Variants in PCID2 observed in about 807,000 individuals in gnomAD.
The protein encoded by PCID2 is PCI domain containing 2, also known as PCI domain-containing protein 2.
A neutral mutation model predicts 61.3 loss-of-function variants in PCID2; 41 were observed. The observed-to-expected ratio is 0.67, with a 90% CI of 0.52 to 0.87. The LOEUF (loss-of-function observed/expected upper bound fraction) is 0.87, where lower values mean the gene tolerates loss of function less well. Ranked by LOEUF, PCID2 falls within the 40% of genes least tolerant of loss-of-function variation. The pLI is 0.00. For missense variants in PCID2, 392 were observed against 493.4 expected, an observed-to-expected ratio of 0.79 and a Z score of 1.95; for synonymous variants, 187 against 177.8, an observed-to-expected ratio of 1.05 and a Z score of -0.41.
At chr13:113,184,704 G>A (rs1435076485) in intron 8 of PCID2, among the ~76,000 whole-genome samples, 1 of 152,292 alleles carries the variant, frequency 6.6e-6, no homozygotes, top group Non-Finnish European at 1.5e-5. Context: ...CCCTGCAGGA[G>A]CCCATGCTGG....
rs778164705 is a variant in PCID2, at chr13:113,179,406, T to C, written c.987-317A>G. 8.6e-5 allele frequency among the ~76,000 whole-genome samples: 13 copies of C among 151,930 alleles called. No individual in the cohort carries two copies. Among genetic ancestry groups the C allele is most frequent in the Non-Finnish European group, 1.8e-4 (12 of 67,984 alleles). ...GCTGTGTCTCACAGACTCAGCGAAA[T>C]AGGGTCCCTACTGTTTGTGACGTGC... On this transcript the variant is annotated intron_variant, in intron 12 of 13. Transcript: ENST00000337344. The surrounding 1 kb of genome is among the most constrained non-coding windows in gnomAD (Gnocchi z 4.3).
the PCID2 span, among the ~76,000 whole-genome samples, chr13:113,165,400 ATC>A: frequency 6.6e-6 from 1 of 152,074 alleles, no homozygotes; most frequent in Admixed American, 6.5e-5. Context: ...GCATCTCAAA[ATC>A]TCTGCTCTCG....
At chr13:113,208,366 C>T (rs2040104880) in intron 1 of PCID2, 1 of 1,432,872 alleles carries the variant, frequency 7.0e-7, no homozygotes. Flanking sequence ...GACGACTCCG[C>T]GATCCACGGA....
chr13:113,185,205 C>A (rs937312678), intron 8 of PCID2, among the ~76,000 whole-genome samples: 1 of 152,204 alleles, frequency 6.6e-6, no homozygotes, highest in African/African-American at 2.4e-5. Context: ...TTCCACCACA[C>A]TGGGACAGCT....
At chr13:113,196,480 A>G (rs2039027093) in intron 4 of PCID2, among the ~76,000 whole-genome samples, 1 of 152,228 alleles carries the variant, frequency 6.6e-6, no homozygotes, top group African/African-American at 2.4e-5. Context: ...AGATTTTTTA[A>G]AATCAGCCCT....
the PCID2 span, chr13:113,172,427 T>C: frequency 5.3e-6 from 2 of 376,976 alleles, no homozygotes; most frequent in Non-Finnish European, 1.0e-5. Context: ...AAGTCCAGTG[T>C]TCCCTGTGCT....
chr13:113,171,671 G>A, the PCID2 span: 169 of 1,614,034 alleles, frequency 1.0e-4, 1 homozygote, highest in East Asian at 1.2e-3. This position sits in a 1 kb window ranked among gnomAD's most constrained non-coding sequence, Gnocchi z 5.1. Flanking sequence ...TGACGCGGAC[G>A]CGGGGGAGAA....
chr13:113,184,549 A>AT (rs1265346923), intron 8 of PCID2, 62 bp from the exon 9 acceptor site: 3 of 894,648 alleles, frequency 3.4e-6, no homozygotes, highest in South Asian at 2.8e-5. Context: ...GGCAAAACAA[A>AT]TTACTAAGCA....
intron 9 of PCID2, 147 bp from the exon 10 acceptor site, chr13:113,181,377 T>C: frequency 3.4e-6 from 2 of 582,030 alleles, no homozygotes; most frequent in East Asian, 5.6e-5. Context: ...CAGTTTCATT[T>C]CTGTGATCAA....
At chr13:113,204,140 G>A (rs1291116161) in intron 1 of PCID2, among the ~76,000 whole-genome samples, 3 of 152,232 alleles carry the variant, frequency 2.0e-5, no homozygotes, top group East Asian at 1.9e-4. Context: ...TCCAGGCCCC[G>A]CACTGTGCGA....
intron 1 of PCID2, among the ~76,000 whole-genome samples, chr13:113,203,196 AAC>A (rs2039559898): frequency 6.6e-6 from 1 of 152,238 alleles, no homozygotes; most frequent in African/African-American, 2.4e-5. Flanking sequence ...GCAGGAACTT[AAC>A]TTTATCTTCA....
At chr13:113,192,096 A>G (rs1002325522) in intron 6 of PCID2, among the ~76,000 whole-genome samples, 2 of 152,146 alleles carry the variant, frequency 1.3e-5, no homozygotes, top group Admixed American at 1.3e-4. Flanking sequence ...TGTCTTAATT[A>G]AAAAATTTTA....
At chr13:113,180,129 C>A (rs1272332216) in intron 11 of PCID2, 29 bp downstream of exon 11, 1 of 1,613,392 alleles carries the variant, frequency 6.2e-7, no homozygotes, top group African/African-American at 1.3e-5. Context: ...ATTTTTAAAA[C>A]CCCAAACAGG....
intron 1 of PCID2, among the ~76,000 whole-genome samples, chr13:113,204,729 G>A (rs1200731888): frequency 6.6e-6 from 1 of 152,226 alleles, no homozygotes. Flanking sequence ...TAAACTGTGA[G>A]AAGACTGGGG....
At chr13:113,183,373 T>TA (rs552198711) in intron 9 of PCID2, among the ~76,000 whole-genome samples, 56 of 152,242 alleles carry the variant, frequency 3.7e-4, no homozygotes, top group African/African-American at 1.3e-3. Context: ...ATCAGTATCT[T>TA]AATAAAATCC....
the PCID2 span, among the ~76,000 whole-genome samples, chr13:113,168,182 A>G: frequency 6.6e-6 from 1 of 152,284 alleles, no homozygotes; most frequent in Non-Finnish European, 1.5e-5. Flanking sequence ...AGTTTAAAGA[A>G]TAAGGAAAAA....
chr13:113,173,461 G>A (rs2037147561), downstream of PCID2, among the ~76,000 whole-genome samples: 2 of 152,246 alleles, frequency 1.3e-5, no homozygotes, highest in Admixed American at 6.5e-5. Flanking sequence ...CATCGTTGAA[G>A]AGCAGAGAGG....
chr13:113,171,807 G>T, the PCID2 span: 2 of 1,613,474 alleles, frequency 1.2e-6, no homozygotes, highest in South Asian at 1.1e-5. This position sits in a 1 kb window ranked among gnomAD's most constrained non-coding sequence, Gnocchi z 5.1. Flanking sequence ...CTCCTCAGCG[G>T]CTGGGCACGC....
chr13:113,196,337 G>A, intron 4 of PCID2, 115 bp from the exon 5 acceptor site: 1 of 741,022 alleles, frequency 1.3e-6, no homozygotes. Context: ...GCAGATTTAT[G>A]TTGCAACAAT....
Sources: gnomAD v4.1 joint callset for allele counts (sites outside exome capture counted in the v4.1 genomes callset) on GRCh38, gnomAD v4.1.1 for gene constraint, Gnocchi (gnomAD v3.1) non-coding constraint, MANE v1.5 for transcripts, NCBI Gene and HGNC (gene_info 2026-07-23, HGNC 2026-07-21) for gene names.